LACRT: variants seen among roughly 807,000 people sequenced by gnomAD.
The protein encoded by LACRT is lacritin, also known as extracellular glycoprotein lacritin.
In LACRT, 14 loss-of-function variants were observed where a neutral mutation model predicts 14.5. That is an observed-to-expected ratio of 0.96 (90% confidence interval 0.64 to 1.51). LACRT has a LOEUF of 1.51. LACRT is among the 40% of genes most tolerant of loss of function. The pLI, the probability that LACRT is intolerant of heterozygous loss-of-function variation, is 0.00. For missense variants in LACRT, 156 were observed against 161.8 expected, an observed-to-expected ratio of 0.96 and a Z score of 0.19; for synonymous variants, 70 against 63.5, an observed-to-expected ratio of 1.10 and a Z score of -0.48.
At chr12:54,633,520 T>G (rs1271530895) in intron 1 of LACRT, among the ~76,000 whole-genome samples, 1 of 152,136 alleles carries the variant, frequency 6.6e-6, no homozygotes, top group African/African-American at 2.4e-5. Flanking sequence ...TAGGCTTCCC[T>G]GAGGTGTCTG....
chr12:54,631,716 C>G, intron 4 of LACRT, 22 bp downstream of exon 4: 1 of 1,567,326 alleles, frequency 6.4e-7, no homozygotes, highest in Non-Finnish European at 8.8e-7. Context: ...TCCCACAAAG[C>G]CTTGCCTTGG....
At chr12:54,631,682 A>G (rs1401678576) in intron 4 of LACRT, 56 bp downstream of exon 4, 10 of 1,276,378 alleles carry the variant, frequency 7.8e-6, no homozygotes, top group Non-Finnish European at 1.1e-5. Flanking sequence ...CCACCCCCGG[A>G]TGGTGGGTGG....
chr12:54,633,526 G>C (rs1269086250), intron 1 of LACRT, among the ~76,000 whole-genome samples: 1 of 152,164 alleles, frequency 6.6e-6, no homozygotes, highest in Non-Finnish European at 1.5e-5. Context: ...TCCCTGAGGT[G>C]TCTGTCATGG....
At chr12:54,632,498 A>G in intron 2 of LACRT, 117 bp from the exon 3 acceptor site, 1 of 1,226,372 alleles carries the variant, frequency 8.2e-7, no homozygotes, top group East Asian at 2.3e-5. Flanking sequence ...CAGAAGTGAT[A>G]TGGCTTAAAC....
chr12:54,634,554 A>C (rs1489251487), intron 1 of LACRT, among the ~76,000 whole-genome samples: 4 of 152,038 alleles, frequency 2.6e-5, no homozygotes, highest in African/African-American at 9.7e-5. Context: ...GTGGGTAAAC[A>C]ATGGTGTGTG....
In LACRT at chr12:54,632,248, G is replaced by T. The variant is rs1958156911; in HGVS notation, c.246C>A (p.Asn82Lys). Reference protein sequence around the residue: ...AKVTSSRQELNPLKSIVEKSI... With the variant: ...AKVTSSRQELKPLKSIVEKSI... ...ATAGAGACAGAGACTTACTCAGGGG[G>T]TTTAGTTCCTGCCTGCTTGAGGTGA... Residue 82 changes from asparagine to lysine, a missense_variant, in exon 3 of 5, where the codon AAC becomes AAA. Transcript: ENST00000257867. 4 of 1,614,060 alleles carry T rather than the reference G, an allele frequency of 2.5e-6. No homozygotes were observed. Among genetic ancestry groups the T allele is most frequent in the South Asian group, 1.1e-5 (1 of 91,070 alleles).
chr12:54,634,846 T>C lies in LACRT; in HGVS notation c.-5A>G, dbSNP rs766262800. 1 of 1,611,948 alleles carries C rather than the reference T, an allele frequency of 6.2e-7. No homozygotes were observed. Among genetic ancestry groups the C allele is most frequent in the Non-Finnish European group, 8.5e-7 (1 of 1,178,206 alleles). Reference sequence around the variant, plus strand: ...GAGGAGAGTGGTAAATTTCATTCTTTGGGATGAGGAGTGAGTATAACCACA... The same window carrying C: ...GAGGAGAGTGGTAAATTTCATTCTTCGGGATGAGGAGTGAGTATAACCACA... On this transcript the variant is annotated 5_prime_UTR_variant, in exon 1 of 5. Transcript: ENST00000257867.
At position 54,634,680 on chromosome 12, in the gene LACRT, A is replaced by C. The variant is rs1318474090; in HGVS notation, c.58+104T>G. On this transcript the variant is annotated intron_variant, in intron 1 of 4. Coordinates refer to ENST00000257867, the MANE Select transcript of LACRT (RefSeq NM_033277.2). ...GAGGAGTCACTTGCAGAGGCAGGGA[A>C]ACCAGAATAGCACTGAGAGAGGAGG... is the stretch of plus-strand genomic sequence containing the variant. The C allele has an allele frequency of 2.7e-6, 3 of 1,121,980 alleles. No homozygotes were observed. The East Asian group carries it at 7.1e-5, about 26-fold the overall frequency. 69.5% of individuals were successfully genotyped at this position (1,121,980 alleles called of 1,614,324 possible).
At chr12:54,632,591 C>A (rs894820081) in intron 2 of LACRT, among the ~76,000 whole-genome samples, 1 of 152,002 alleles carries the variant, frequency 6.6e-6, no homozygotes, top group South Asian at 2.1e-4. Flanking sequence ...AGGATTTGGA[C>A]TAGGGGATGG....
chr12:54,632,249 T>C lies in LACRT; in HGVS notation c.245A>G (p.Asn82Ser), dbSNP rs1470414707. ...AKVTSSRQEL[N>S]PLKSIVEKSI... Reference sequence around the variant, plus strand: ...TAGAGACAGAGACTTACTCAGGGGGTTTAGTTCCTGCCTGCTTGAGGTGAC... The same window carrying C: ...TAGAGACAGAGACTTACTCAGGGGGCTTAGTTCCTGCCTGCTTGAGGTGAC... The change falls in exon 3 of 5, where the codon AAC becomes AGC. Residue 82 changes from asparagine to serine, a missense_variant. Physicochemically the swap from Asn to Ser is conservative, Grantham distance 46 (BLOSUM62 1). Coordinates refer to ENST00000257867, the MANE Select transcript of LACRT (RefSeq NM_033277.2). 2 of 1,613,732 alleles carry C rather than the reference T, an allele frequency of 1.2e-6. No homozygotes were observed. Among genetic ancestry groups the C allele is most frequent in the Non-Finnish European group, 1.7e-6 (2 of 1,179,900 alleles).
intron 1 of LACRT, among the ~76,000 whole-genome samples, chr12:54,634,206 G>A (rs1958172775): frequency 6.6e-6 from 1 of 152,096 alleles, no homozygotes; most frequent in Non-Finnish European, 1.5e-5. Context: ...TACAAAATTA[G>A]CTGGGCAAGG....
Position 54,631,760 on chromosome 12 carries a change from T to C in LACRT, c.333A>G (p.Pro111=). The C allele has an allele frequency of 6.2e-7, 1 of 1,613,646 alleles. No individual in the cohort carries two copies. The highest frequency in any genetic ancestry group is 8.5e-7 in the Non-Finnish European group (1 of 1,179,480). Residue 111 remains proline (P), a synonymous_variant, in exon 4 of 5, where the codon CCA becomes CCG. Transcript: ENST00000257867. The stretch of plus-strand genomic sequence containing the variant: ...CACTTTCGATGAATTGTTTTCCACC[T>C]GGCACGCCTCCGTGCATTCCTTTTC... ...KAGKGMHGGV[P]GGKQFIENGS... is the part of the protein sequence containing the mutation.
chr12:54,634,256 G>A (rs1453772023), intron 1 of LACRT, among the ~76,000 whole-genome samples: 1 of 151,272 alleles, frequency 6.6e-6, no homozygotes, highest in Non-Finnish European at 1.5e-5. Context: ...GGAGGCTGAG[G>A]CAAGATAATC....
Position 54,633,243 on chromosome 12 carries a change from G to C in LACRT, c.59-10C>G, listed in dbSNP as rs774892648. 1 of 1,613,270 alleles carries C rather than the reference G, an allele frequency of 6.2e-7. No individual in the cohort carries two copies. Among genetic ancestry groups the C allele is most frequent in the Non-Finnish European group, 8.5e-7 (1 of 1,179,632 alleles). On this transcript the variant is annotated splice_polypyrimidine_tract_variant and intron_variant, in intron 1 of 4. Coordinates refer to ENST00000257867, the MANE Select transcript of LACRT (RefSeq NM_033277.2). ...TCAGAGGAGGCATCTTCTGCAATGG[G>C]GGAAACATGCCAGATGAGAGCAAGG...
Position 54,634,820 on chromosome 12 carries a change from A to G in LACRT, c.22T>C (p.Phe8Leu), listed in dbSNP as rs1424902869. 1 of 1,613,912 alleles carries G rather than the reference A, an allele frequency of 6.2e-7. No individual in the cohort carries two copies. The highest frequency in any genetic ancestry group is 8.5e-7 in the Non-Finnish European group (1 of 1,179,804). MKFTTLL[F>L]LAAVAGALVY... is the part of the protein sequence containing the mutation. ...AGGGCCCCTGCTACAGCTGCCAAGA[A>G]GAGGAGAGTGGTAAATTTCATTCTT... The change falls in exon 1 of 5, where the codon TTC becomes CTC. Residue 8 changes from phenylalanine to leucine, a missense_variant. Phe to Leu is a conservative substitution (Grantham distance 22, BLOSUM62 0). Transcript: ENST00000257867.
At chr12:54,633,814 C>G (rs1245319595) in intron 1 of LACRT, among the ~76,000 whole-genome samples, 1 of 152,130 alleles carries the variant, frequency 6.6e-6, no homozygotes, top group Non-Finnish European at 1.5e-5. Context: ...AACGTGCAGC[C>G]TGGTGCGAGA....
intron 4 of LACRT, among the ~76,000 whole-genome samples, 162 bp from the exon 5 acceptor site, chr12:54,631,115 A>T (rs538174949): frequency 9.8e-5 from 15 of 152,308 alleles, no homozygotes; most frequent in South Asian, 2.1e-4. Flanking sequence ...CCAGAGCCTG[A>T]AGGACCTACC....
chr12:54,634,680 A>G lies in LACRT; in HGVS notation c.58+104T>C, dbSNP rs1318474090. On this transcript the variant is annotated intron_variant, in intron 1 of 4. Coordinates refer to ENST00000257867, the MANE Select transcript of LACRT (RefSeq NM_033277.2). ...GAGGAGTCACTTGCAGAGGCAGGGAAACCAGAATAGCACTGAGAGAGGAGG... is the reference window on the plus strand; with the variant it reads ...GAGGAGTCACTTGCAGAGGCAGGGAGACCAGAATAGCACTGAGAGAGGAGG... The G allele has an allele frequency of 2.7e-6, 3 of 1,121,862 alleles. No individual in the cohort carries two copies. The African/African-American group carries it at 4.6e-5, about 17-fold the overall frequency. The allele number at this position is 1,121,862 out of a possible 1,614,324, so 69.5% of individuals were successfully genotyped here. A position where few individuals can be genotyped will look rare whatever the true frequency, so the allele number is the denominator to read the frequency against.
At chr12:54,631,019 TCTC>T in intron 4 of LACRT, 66 bp from the exon 5 acceptor site, 3 of 949,478 alleles carry the variant, frequency 3.2e-6, no homozygotes, top group Non-Finnish European at 3.4e-6. Context: ...CCCTTCCATT[TCTC>T]CTCAATTCCA....
Sources: allele counts gnomAD v4.1 joint callset (sites outside exome capture counted in the v4.1 genomes callset), GRCh38; gene constraint gnomAD v4.1.1; transcripts MANE v1.5; gene names NCBI Gene and HGNC (gene_info 2026-07-23, HGNC 2026-07-21).